Variants in AGMO observed in about 807,000 individuals in gnomAD.
The protein encoded by AGMO is glyceryl-ether monooxygenase.
A neutral mutation model predicts 60.2 loss-of-function variants in AGMO; 75 were observed. The observed-to-expected ratio is 1.25, with a 90% CI of 1.03 to 1.51. The LOEUF is 1.51. AGMO is among the 40% of genes most tolerant of loss of function. The probability of loss-of-function intolerance (pLI) is 0.00; values close to 1 mark genes in which losing one functional copy is unlikely to be tolerated. For synonymous variants in AGMO, 261 were observed against 177.1 expected, an observed-to-expected ratio of 1.47 and a Z score of -3.76; for missense variants, 763 against 525.5, an observed-to-expected ratio of 1.45 and a Z score of -4.42.
chr7:15,530,751 TAG>T (rs1364536523), intron 3 of AGMO, among the ~76,000 whole-genome samples: 24 of 141,278 alleles, frequency 1.7e-4, no homozygotes, highest in East Asian at 8.3e-4. Flanking sequence ...CATTTCTATA[TAG>T]ATATTCTATA....
chr7:15,540,881 A>G (rs1301256374), intron 3 of AGMO, among the ~76,000 whole-genome samples: 1 of 152,224 alleles, frequency 6.6e-6, no homozygotes, highest in Non-Finnish European at 1.5e-5. Context: ...TTTTAAGTGT[A>G]CAACCAACTC....
At chr7:15,366,245 A>T in intron 10 of AGMO, 23 bp from the exon 11 acceptor site, 1 of 1,565,922 alleles carries the variant, frequency 6.4e-7, no homozygotes, top group Non-Finnish European at 8.7e-7. Context: ...CACGGAGATC[A>T]ATGGAGCCGT....
At chr7:15,430,057 A>T (rs941708127) in intron 4 of AGMO, among the ~76,000 whole-genome samples, 1 of 151,942 alleles carries the variant, frequency 6.6e-6, no homozygotes, top group Non-Finnish European at 1.5e-5. Context: ...CAGCTCTACT[A>T]TTTTAAAATA....
At chr7:15,356,455 A>G (rs546725167) in intron 12 of AGMO, among the ~76,000 whole-genome samples, 112 of 152,282 alleles carry the variant, frequency 7.4e-4, no homozygotes, top group African/African-American at 2.6e-3. Flanking sequence ...AACCATATAT[A>G]GTATATAAGA....
chr7:15,453,998 A>T (rs1052749957), intron 3 of AGMO, among the ~76,000 whole-genome samples: 5 of 148,278 alleles, frequency 3.4e-5, no homozygotes, highest in African/African-American at 4.9e-5. Context: ...TATATATTTT[A>T]AAAGTATATA....
At chr7:15,291,079 A>C (rs2128522073) in intron 12 of AGMO, among the ~76,000 whole-genome samples, 1 of 152,288 alleles carries the variant, frequency 6.6e-6, no homozygotes, top group Non-Finnish European at 1.5e-5. Flanking sequence ...CTCTGCATAT[A>C]CTTAGAATAT....
intron 12 of AGMO, among the ~76,000 whole-genome samples, chr7:15,223,419 A>G (rs1055157194): frequency 2.0e-5 from 3 of 151,990 alleles, no homozygotes; most frequent in African/African-American, 7.2e-5. Context: ...TTCAGAACAA[A>G]GTGATTTTCA....
intron 4 of AGMO, among the ~76,000 whole-genome samples, chr7:15,422,692 A>T (rs1265486017): frequency 1.3e-5 from 2 of 152,178 alleles, no homozygotes; most frequent in African/African-American, 4.8e-5. Flanking sequence ...GGGCAGTCTC[A>T]TGTCCATGGC....
chr7:15,143,090 T>G, the AGMO span, among the ~76,000 whole-genome samples: 1 of 152,228 alleles, frequency 6.6e-6, no homozygotes, highest in Non-Finnish European at 1.5e-5. Context: ...TTATTATTTT[T>G]CCCTGGTTTC....
the AGMO span, among the ~76,000 whole-genome samples, chr7:15,151,057 A>G: frequency 6.5e-4 from 99 of 152,116 alleles, no homozygotes; most frequent in African/African-American, 2.3e-3. Flanking sequence ...GAGGTTGTAT[A>G]TCTCTGGGAA....
At chr7:15,356,163 C>T (rs1782522857) in intron 12 of AGMO, among the ~76,000 whole-genome samples, 2 of 152,160 alleles carry the variant, frequency 1.3e-5, no homozygotes, top group Admixed American at 6.5e-5. Context: ...AGAATTTAAA[C>T]AAGCACATTT....
chr7:15,319,568 A>T (rs142698930), intron 12 of AGMO, among the ~76,000 whole-genome samples: 1,917 of 152,248 alleles, frequency 0.013, 53 homozygotes, highest in African/African-American at 0.043. Flanking sequence ...GAATTGCTAG[A>T]AATTTTGGCA....
chr7:15,540,760 G>A (rs959085842), intron 3 of AGMO, among the ~76,000 whole-genome samples: 3 of 152,042 alleles, frequency 2.0e-5, no homozygotes, highest in Non-Finnish European at 4.4e-5. Context: ...TTCTAAATTT[G>A]TTTATATACT....
At chr7:15,395,812 A>C (rs561370328) in intron 5 of AGMO, among the ~76,000 whole-genome samples, 264 of 152,332 alleles carry the variant, frequency 1.7e-3, no homozygotes, top group African/African-American at 6.1e-3. Flanking sequence ...TCTCTAATAC[A>C]AAACTCTTTA....
chr7:15,121,908 A>G, the AGMO span, among the ~76,000 whole-genome samples: 1 of 152,174 alleles, frequency 6.6e-6, no homozygotes, highest in Non-Finnish European at 1.5e-5. Context: ...AATTAACTCA[A>G]GATGGGTTAA....
At chr7:15,358,188 G>A (rs1782612151) in intron 12 of AGMO, 1 of 190,338 alleles carries the variant, frequency 5.3e-6, no homozygotes, top group Admixed American at 6.1e-5. Flanking sequence ...TCTGAAGTTT[G>A]GCATGTAACA....
downstream of AGMO, among the ~76,000 whole-genome samples, chr7:15,195,652 CT>C (rs1197897908): frequency 6.6e-6 from 1 of 152,194 alleles, no homozygotes; most frequent in Non-Finnish European, 1.5e-5. Context: ...GGCACAACTG[CT>C]GGCATTTACC....
chr7:15,345,759 G>C (rs1395271226), intron 12 of AGMO, among the ~76,000 whole-genome samples: 1 of 152,096 alleles, frequency 6.6e-6, no homozygotes, highest in Non-Finnish European at 1.5e-5. Flanking sequence ...CAGAAAGCTT[G>C]ATAACTTACT....
intron 12 of AGMO, among the ~76,000 whole-genome samples, chr7:15,344,018 A>G (rs1200360538): frequency 1.3e-5 from 2 of 152,178 alleles, no homozygotes; most frequent in African/African-American, 2.4e-5. Flanking sequence ...ATTTTTACAG[A>G]TTTTGGAACT....
Sources: allele counts gnomAD v4.1 joint callset (sites outside exome capture counted in the v4.1 genomes callset), GRCh38; gene constraint gnomAD v4.1.1; transcripts MANE v1.5; gene names NCBI Gene and HGNC (gene_info 2026-07-23, HGNC 2026-07-21).